The following WFDC1 variants were observed in gnomAD, a reference collection of about 807,000 sequenced individuals.
The protein encoded by WFDC1 is WAP four-disulfide core domain protein 1.
Under a neutral mutation model 32.9 loss-of-function variants are expected in WFDC1, and 39 were observed. That is an observed-to-expected ratio of 1.19 (90% CI 0.92 to 1.55). WFDC1 has a LOEUF of 1.55. WFDC1 is among the 40% of genes most tolerant of loss of function. The pLI is 0.00. For missense variants in WFDC1, 386 were observed against 309.5 expected (o/e 1.25, Z -1.85); for synonymous variants, 184 against 137.4 (o/e 1.34, Z -2.37).
At chr16:84,321,518 C>T (rs1200243490) in intron 4 of WFDC1, among the ~76,000 whole-genome samples, 1 of 152,182 alleles carries the variant, frequency 6.6e-6, no homozygotes, top group African/African-American at 2.4e-5. Context: ...AATAGGAATG[C>T]CTTGGGCACT....
intron 6 of WFDC1, chr16:84,328,192 G>C (rs1908713508): frequency 6.5e-6 from 1 of 152,808 alleles, no homozygotes; most frequent in Non-Finnish European, 1.5e-5. Context: ...CGCTGGCTTT[G>C]GGGAGCCAAA....
intron 1 of WFDC1, among the ~76,000 whole-genome samples, chr16:84,310,855 A>T (rs182586617): frequency 1.3e-5 from 2 of 152,020 alleles, no homozygotes; most frequent in Admixed American, 6.6e-5. Flanking sequence ...TACTATTCCA[A>T]TTTGCAGATA....
intron 1 of WFDC1, among the ~76,000 whole-genome samples, chr16:84,300,592 T>C (rs989580964): frequency 6.6e-6 from 1 of 152,240 alleles, no homozygotes; most frequent in Admixed American, 6.5e-5. Context: ...GGAAACAGGT[T>C]CATTACAGGT....
chr16:84,308,382 C>T (rs969360090), intron 1 of WFDC1, among the ~76,000 whole-genome samples: 28 of 152,320 alleles, frequency 1.8e-4, no homozygotes, highest in South Asian at 2.1e-4. Flanking sequence ...GGAAGGACTG[C>T]GCTCGGTCCC....
At chr16:84,305,156 G>C (rs1291433510) in intron 1 of WFDC1, among the ~76,000 whole-genome samples, 1 of 152,242 alleles carries the variant, frequency 6.6e-6, no homozygotes, top group Non-Finnish European at 1.5e-5. Context: ...TTCAGTATGT[G>C]AGGACCCAGC....
intron 1 of WFDC1, among the ~76,000 whole-genome samples, chr16:84,299,338 C>T (rs1906797322): frequency 6.6e-6 from 1 of 151,388 alleles, no homozygotes; most frequent in African/African-American, 2.4e-5. Context: ...GGATTCCAGC[C>T]TGGGCAAGAA....
At chr16:84,323,097 C>A (rs1406412509) in intron 4 of WFDC1, among the ~76,000 whole-genome samples, 1 of 152,128 alleles carries the variant, frequency 6.6e-6, no homozygotes, top group Non-Finnish European at 1.5e-5. Flanking sequence ...GGGGAGCTCC[C>A]CCAGCCTACA....
chr16:84,317,886 C>T (rs537030993), intron 2 of WFDC1: 62 of 201,084 alleles, frequency 3.1e-4, no homozygotes, highest in Non-Finnish European at 5.7e-4. Context: ...AGCTTCCTTC[C>T]TTCTTGCCAC....
intron 2 of WFDC1, among the ~76,000 whole-genome samples, chr16:84,315,195 G>A (rs1907876648): frequency 6.6e-6 from 1 of 152,174 alleles, no homozygotes; most frequent in Admixed American, 6.5e-5. Flanking sequence ...ACATCCCATG[G>A]CTCACTTCCT....
intron 4 of WFDC1, among the ~76,000 whole-genome samples, chr16:84,320,105 C>A (rs1405418469): frequency 6.6e-6 from 1 of 152,186 alleles, no homozygotes; most frequent in Non-Finnish European, 1.5e-5. Context: ...AAGTTCCCAT[C>A]CAACCATTCT....
chr16:84,310,156 A>G (rs1333793828), intron 1 of WFDC1, among the ~76,000 whole-genome samples: 1 of 151,750 alleles, frequency 6.6e-6, no homozygotes, highest in Non-Finnish European at 1.5e-5. Flanking sequence ...GCGGATTTCT[A>G]TTAAGACACC....
chr16:84,295,043 T>A lies in WFDC1; in HGVS notation c.72T>A (p.Leu24=), dbSNP rs1567646860. The change falls in exon 1 of 7, where the codon CTT becomes CTA. Residue 24 remains leucine (L), a synonymous_variant. Transcript: ENST00000219454. ...QIIRALCLLL[L]LLHAGSAKNI... is the part of the protein sequence containing the mutation. ...TCCGGGCTCTGTGCCTCTTGCTACTTCTCCTCCACGCCGGCTCTGCCAAGA... is the reference window on the plus strand; with the variant it reads ...TCCGGGCTCTGTGCCTCTTGCTACTACTCCTCCACGCCGGCTCTGCCAAGA... 1.2e-6 allele frequency: 2 copies of A among 1,614,162 alleles called. No homozygotes were observed. The highest frequency in any genetic ancestry group is 1.7e-6 in the Non-Finnish European group (2 of 1,180,012).
rs143905770 is a variant in WFDC1 at position 84,326,903 on chromosome 16, C to T, written c.626C>T (p.Ala209Val). Residue 209 changes from alanine (A) to valine (V), a missense_variant, in exon 6 of 7, where the codon GCA becomes GTA. By Grantham distance (64) the Ala-to-Val change is moderately conservative (BLOSUM62 0). Transcript: ENST00000219454. ...EYPEGDSKNVAEPGRGQQKHF... is the reference protein window; with the variant it reads ...EYPEGDSKNVVEPGRGQQKHF... ...ACAGAAGGTGACTCAAAGAATGTGG[C>T]AGAACCTGGAAGGGGACAACAGAAG... 1.9e-5 allele frequency: 31 copies of T among 1,613,926 alleles called. 1 individual carries two copies. Among genetic ancestry groups the T allele is most frequent in the South Asian group, 8.8e-5 (8 of 91,080 alleles).
intron 1 of WFDC1, among the ~76,000 whole-genome samples, chr16:84,305,822 C>CA (rs1235209387): frequency 6.6e-6 from 1 of 151,270 alleles, no homozygotes; most frequent in Non-Finnish European, 1.5e-5. Context: ...GGCAACAAGG[C>CA]AAAACCCCAT....
chr16:84,311,792 C>G (rs1446213775), intron 1 of WFDC1, among the ~76,000 whole-genome samples: 1 of 145,320 alleles, frequency 6.9e-6, no homozygotes, highest in African/African-American at 2.5e-5. Context: ...CCCACCTTGA[C>G]TTCTGGAAAT....
intron 1 of WFDC1, among the ~76,000 whole-genome samples, chr16:84,310,649 A>G (rs1907559050): frequency 6.6e-6 from 1 of 152,302 alleles, no homozygotes; most frequent in Admixed American, 6.5e-5. Flanking sequence ...AAACGTTCTC[A>G]GCCTATGCAA....
At chr16:84,318,526 G>A (rs1312184022) in intron 3 of WFDC1, 171 bp downstream of exon 3, 7 of 630,578 alleles carry the variant, frequency 1.1e-5, no homozygotes, top group Non-Finnish European at 2.0e-5. Context: ...GCTGATGGCT[G>A]GGGGCTTGGC....
intron 1 of WFDC1, among the ~76,000 whole-genome samples, chr16:84,302,954 C>T (rs1907030960): frequency 1.3e-5 from 2 of 151,916 alleles, no homozygotes; most frequent in Non-Finnish European, 1.5e-5. Flanking sequence ...CTCTCGGGTG[C>T]ACTGACTGAC....
intron 1 of WFDC1, among the ~76,000 whole-genome samples, chr16:84,299,891 G>A (rs961573737): frequency 1.3e-5 from 2 of 151,650 alleles, no homozygotes; most frequent in East Asian, 3.9e-4. Flanking sequence ...TGCCAGACGG[G>A]GGGAGGGAGG....
Sources: gnomAD v4.1 joint callset for allele counts (sites outside exome capture counted in the v4.1 genomes callset) on GRCh38, gnomAD v4.1.1 for gene constraint, MANE v1.5 for transcripts, NCBI Gene and HGNC (gene_info 2026-07-23, HGNC 2026-07-21) for gene names.